The following WWOX variants were observed in gnomAD, a reference collection of about 807,000 sequenced individuals.
The protein encoded by WWOX is WW domain-containing oxidoreductase.
WWOX carries 69 observed loss-of-function variants against 46.2 expected under a neutral mutation model. The observed-to-expected ratio is 1.49, with a 90% confidence interval of 1.23 to 1.82. The LOEUF is 1.82. Among genes scored for constraint, WWOX ranks in the 40% most tolerant of loss-of-function variants. The pLI, the probability that WWOX is intolerant of heterozygous loss-of-function variation, is 0.00. For synonymous variants in WWOX, 359 were observed against 202.6 expected, an observed-to-expected ratio of 1.77 and a Z score of -6.56; for missense variants, 919 against 542.6, an observed-to-expected ratio of 1.69 and a Z score of -6.89.
chr16:78,293,454 C>G (rs1410342192), intron 5 of WWOX, among the ~76,000 whole-genome samples: 2 of 152,174 alleles, frequency 1.3e-5, no homozygotes, highest in African/African-American at 4.8e-5. Flanking sequence ...TACACATCCT[C>G]TCTTCTCTCC....
In WWOX at chr16:78,109,939, C is replaced by A; in HGVS notation, c.230+104C>A. On this transcript the variant is annotated intron_variant, in intron 3 of 8. Transcript: ENST00000566780. ...AACTGTAGAAAAATACAAAGTATAA[C>A]AGTGTGTATCTGTAATCTTAGCAGA... 8.3e-7 allele frequency: 1 copy of A among 1,206,550 alleles called. No individual in the cohort carries two copies. Among genetic ancestry groups the A allele is most frequent in the Non-Finnish European group, 1.2e-6 (1 of 828,182 alleles). 74.7% of individuals were successfully genotyped at this position (1,206,550 alleles called of 1,614,324 possible). A position where few individuals can be genotyped will look rare whatever the true frequency, so the allele number is the denominator to read the frequency against.
At chr16:79,080,686 G>A (rs979799951) in intron 8 of WWOX, among the ~76,000 whole-genome samples, 12 of 152,158 alleles carry the variant, frequency 7.9e-5, no homozygotes, top group Non-Finnish European at 1.8e-4. Flanking sequence ...CCATGGCTTA[G>A]CCGGGTACAG....
chr16:78,973,677 T>C (rs1192289069), intron 8 of WWOX, among the ~76,000 whole-genome samples: 2 of 152,242 alleles, frequency 1.3e-5, no homozygotes, highest in Admixed American at 6.5e-5. Context: ...CAAAGTGCTC[T>C]TTTAACAAAT....
At chr16:78,472,800 A>G (rs1018217509) in intron 8 of WWOX, among the ~76,000 whole-genome samples, 2 of 124,584 alleles carry the variant, frequency 1.6e-5, no homozygotes, top group Non-Finnish European at 3.2e-5. Context: ...CAAGAGTGAA[A>G]CTCCATCTCA....
At chr16:79,088,941 T>C (rs1444106907) in intron 8 of WWOX, among the ~76,000 whole-genome samples, 1 of 152,190 alleles carries the variant, frequency 6.6e-6, no homozygotes, top group Non-Finnish European at 1.5e-5. Flanking sequence ...AATCTATTTT[T>C]TTTGTCTTAA....
intron 8 of WWOX, among the ~76,000 whole-genome samples, chr16:78,687,818 T>C (rs2047897207): frequency 6.6e-6 from 1 of 152,194 alleles, no homozygotes; most frequent in East Asian, 1.9e-4. Context: ...TATTTAGTAA[T>C]CCCTGAAGCT....
At chr16:78,573,126 A>G (rs2044760215) in intron 8 of WWOX, among the ~76,000 whole-genome samples, 1 of 151,286 alleles carries the variant, frequency 6.6e-6, no homozygotes, top group Non-Finnish European at 1.5e-5. Flanking sequence ...TGTACCAAAA[A>G]TACAAAAAAT....
chr16:78,464,012 A>G (rs1483448526), intron 8 of WWOX, among the ~76,000 whole-genome samples: 1 of 152,160 alleles, frequency 6.6e-6, no homozygotes, highest in Non-Finnish European at 1.5e-5. Context: ...GTCAGAACCT[A>G]GGACAGGCAA....
At chr16:78,696,663 T>A (rs2048106201) in intron 8 of WWOX, among the ~76,000 whole-genome samples, 1 of 151,750 alleles carries the variant, frequency 6.6e-6, no homozygotes, top group Non-Finnish European at 1.5e-5. Context: ...TTTCTTTAAT[T>A]TTTTTAAATT....
intron 8 of WWOX, among the ~76,000 whole-genome samples, chr16:78,450,343 G>A (rs1435052622): frequency 6.6e-6 from 1 of 152,106 alleles, no homozygotes; most frequent in Non-Finnish European, 1.5e-5. Flanking sequence ...AGTAATCCAC[G>A]AGAATGTATG....
chr16:78,230,570 G>C (rs899322745), intron 5 of WWOX, among the ~76,000 whole-genome samples: 1 of 152,186 alleles, frequency 6.6e-6, no homozygotes, highest in South Asian at 2.1e-4. Flanking sequence ...TAACTTAAGT[G>C]GTTGATAAAA....
At chr16:78,967,426 A>G (rs1258484787) in intron 8 of WWOX, among the ~76,000 whole-genome samples, 3 of 145,538 alleles carry the variant, frequency 2.1e-5, no homozygotes, top group African/African-American at 7.6e-5. Flanking sequence ...TGGGACCACA[A>G]GTATGCACCA....
intron 5 of WWOX, among the ~76,000 whole-genome samples, chr16:78,377,107 A>G (rs2081849326): frequency 6.6e-6 from 1 of 152,224 alleles, no homozygotes; most frequent in African/African-American, 2.4e-5. Flanking sequence ...CCAGTGCTTA[A>G]CAAGTTTCAT....
chr16:78,691,405 G>C, intron 8 of WWOX: 1 of 645,888 alleles, frequency 1.5e-6, no homozygotes, highest in South Asian at 1.8e-5. Context: ...GGGTGCTTTA[G>C]AAAACATCTG....
At chr16:78,222,478 G>T (rs780221929) in intron 5 of WWOX, among the ~76,000 whole-genome samples, 5 of 152,080 alleles carry the variant, frequency 3.3e-5, no homozygotes, top group African/African-American at 4.8e-5. Context: ...ATGACAGTAT[G>T]CAACAGTCAA....
At chr16:78,746,135 A>G (rs967930051) in intron 8 of WWOX, among the ~76,000 whole-genome samples, 3 of 152,192 alleles carry the variant, frequency 2.0e-5, no homozygotes, top group African/African-American at 7.2e-5. Flanking sequence ...TCGTTTTGAT[A>G]TGATGAACCA....
chr16:79,165,325 G>T (rs1487423655), intron 8 of WWOX, among the ~76,000 whole-genome samples: 1 of 152,134 alleles, frequency 6.6e-6, no homozygotes, highest in Non-Finnish European at 1.5e-5. Flanking sequence ...TGTTACAGAG[G>T]GAAACTTGCC....
chr16:78,645,533 C>A (rs1257908711), intron 8 of WWOX, among the ~76,000 whole-genome samples: 1 of 151,976 alleles, frequency 6.6e-6, no homozygotes, highest in Non-Finnish European at 1.5e-5. Context: ...CTGATGAGGG[C>A]GTCAGGCAGC....
intron 8 of WWOX, among the ~76,000 whole-genome samples, chr16:79,189,352 G>A (rs777043507): frequency 6.6e-6 from 1 of 151,590 alleles, no homozygotes; most frequent in Non-Finnish European, 1.5e-5. Flanking sequence ...CGACTTCCCA[G>A]GCTTAGGTGA....
Sources: gnomAD v4.1 joint callset for allele counts (sites outside exome capture counted in the v4.1 genomes callset) on GRCh38, gnomAD v4.1.1 for gene constraint, MANE v1.5 for transcripts, NCBI Gene and HGNC (gene_info 2026-07-23, HGNC 2026-07-21) for gene names.